Variants in NLRP1 observed in about 807,000 individuals in gnomAD.
NLRP1 encodes the protein NLR family pyrin domain containing 1.
Under a neutral mutation model 136.7 loss-of-function variants are expected in NLRP1, and 94 were observed. The observed-to-expected ratio is 0.69, with a 90% CI of 0.58 to 0.82. The LOEUF is 0.82. Ranked by LOEUF, NLRP1 falls within the 40% of genes least tolerant of loss-of-function variation. NLRP1 has a pLI of 0.00. For missense variants in NLRP1, 1,575 were observed against 1,802.7 expected, an observed-to-expected ratio of 0.87 and a Z score of 2.29; for synonymous variants, 690 against 725.1, an observed-to-expected ratio of 0.95 and a Z score of 0.78.
At chr17:5,512,156 G>A (rs368102673), downstream of NLRP1, 12 of 966,020 alleles carry the variant, frequency 1.2e-5, no homozygotes, top group Non-Finnish European at 1.7e-5. Context: ...GTGGCCATTC[G>A]ATCTGAATTC....
chr17:5,543,154 C>A (rs1374258320), intron 5 of NLRP1, among the ~76,000 whole-genome samples: 1 of 152,162 alleles, frequency 6.6e-6, no homozygotes, highest in Non-Finnish European at 1.5e-5. Context: ...AGTCATATCC[C>A]AGTGCCCAGA....
intron 12 of NLRP1, among the ~76,000 whole-genome samples, chr17:5,529,573 A>G (rs1909980800): frequency 1.3e-5 from 2 of 151,958 alleles, no homozygotes; most frequent in Non-Finnish European, 2.9e-5. Flanking sequence ...TCACTGTGTT[A>G]GCCAGGATGG....
At chr17:5,501,825 T>C (rs1280794360) in exon 16 of NLRP1, 21 of 1,613,930 alleles carry the variant, frequency 1.3e-5, no homozygotes, top group Non-Finnish European at 1.7e-5. Flanking sequence ...TAGTATCTCC[T>C]GGCGTCTCTG....
intron 1 of NLRP1, 108 bp from the exon 2 acceptor site, chr17:5,582,954 A>G (rs535903825): frequency 1.2e-5 from 10 of 820,312 alleles, no homozygotes; most frequent in Middle Eastern, 5.9e-4. Context: ...AGGATACACC[A>G]GTGAACCCGC....
Position 5,583,962 on chromosome 17 carries a change from G to A in NLRP1, c.-5C>T. 1 of 1,607,472 alleles carries A rather than the reference G, an allele frequency of 6.2e-7. No individual in the cohort carries two copies. Among genetic ancestry groups the A allele is most frequent in the Non-Finnish European group, 8.5e-7 (1 of 1,176,686 alleles). ...GCCCCAGGCTCCGCCAGCCATCTCTGTCCCGGAGTTAAGAGGGTGTCTGGG... is the reference window on the plus strand; with the variant it reads ...GCCCCAGGCTCCGCCAGCCATCTCTATCCCGGAGTTAAGAGGGTGTCTGGG... On this transcript the variant is annotated 5_prime_UTR_variant, in exon 1 of 17. Coordinates refer to ENST00000572272, the MANE Select transcript of NLRP1 (RefSeq NM_033004.4). The surrounding 1 kb of genome is among the most constrained non-coding windows in gnomAD (Gnocchi z 4.5).
At chr17:5,564,892 T>C (rs142628956) in intron 3 of NLRP1, among the ~76,000 whole-genome samples, 3,628 of 152,056 alleles carry the variant, frequency 0.024, 154 homozygotes, top group African/African-American at 0.084. Flanking sequence ...TGCCCGCCAC[T>C]GCACCTGGCT....
intron 3 of NLRP1, among the ~76,000 whole-genome samples, chr17:5,562,768 G>A (rs547066074): frequency 1.6e-4 from 24 of 152,310 alleles, no homozygotes; most frequent in South Asian, 8.3e-4. Flanking sequence ...CAACACACAC[G>A]CACCCTGCCA....
intron 11 of NLRP1, 99 bp from the exon 12 acceptor site, chr17:5,530,803 G>A: frequency 1.2e-6 from 1 of 861,616 alleles, no homozygotes; most frequent in Non-Finnish European, 1.9e-6. Flanking sequence ...ACGGTACAGT[G>A]GCTTCAAGCC....
intron 7 of NLRP1, among the ~76,000 whole-genome samples, chr17:5,539,163 G>A (rs1395235781): frequency 2.6e-5 from 4 of 152,136 alleles, no homozygotes; most frequent in Admixed American, 6.5e-5. Flanking sequence ...GAGCCACCAC[G>A]CCCTGCCTGT....
chr17:5,553,607 T>G, intron 4 of NLRP1, 51 bp from the exon 5 acceptor site: 1 of 1,543,896 alleles, frequency 6.5e-7, no homozygotes, highest in African/African-American at 1.4e-5. Flanking sequence ...TGGCAGGGGT[T>G]TGAGGTGCCC....
At chr17:5,533,178 C>T in intron 10 of NLRP1, 126 bp downstream of exon 10, 3 of 1,498,984 alleles carry the variant, frequency 2.0e-6, no homozygotes, top group Non-Finnish European at 2.7e-6. Flanking sequence ...GCCTCCAGCC[C>T]AGCCTCCGCC....
chr17:5,533,443 C>A (rs568510747), intron 9 of NLRP1, 59 bp from the exon 10 acceptor site: 3 of 727,054 alleles, frequency 4.1e-6, no homozygotes, highest in African/African-American at 3.5e-5. Flanking sequence ...AGTCCCAGTT[C>A]TACTCAGGAG....
At chr17:5,513,996 T>G (rs997496208), downstream of NLRP1, 2 of 152,192 alleles carry the variant, frequency 1.3e-5, no homozygotes, top group African/African-American at 4.8e-5. Context: ...GAACCTTCAG[T>G]TCCAGGAATT....
At chr17:5,557,490 TCA>T (rs985275493) in intron 4 of NLRP1, among the ~76,000 whole-genome samples, 6 of 152,210 alleles carry the variant, frequency 3.9e-5, no homozygotes, top group Non-Finnish European at 5.9e-5. Context: ...GTTGTAGACA[TCA>T]CACTCTGTTG....
Position 5,583,043 on chromosome 17 carries a change from A to G in NLRP1, c.272-197T>C, listed in dbSNP as rs1016872398. ...AGATACTGCTAGGCAAAAAATCCTC[A>G]TCTAGGATCAGGAAATTTGCATATC... On this transcript the variant is annotated intron_variant, in intron 1 of 16. Coordinates refer to ENST00000572272, the MANE Select transcript of NLRP1 (RefSeq NM_033004.4). This position sits in a 1 kb window ranked among gnomAD's most constrained non-coding sequence, Gnocchi z 4.5. Among the ~76,000 whole-genome samples the G allele has an allele frequency of 2.0e-5, 3 of 152,106 alleles. No individual in the cohort carries two copies. The highest frequency in any genetic ancestry group is 7.2e-5 in the African/African-American group (3 of 41,392).
At chr17:5,519,363 C>G (rs192617731) in intron 14 of NLRP1, among the ~76,000 whole-genome samples, 74 of 151,432 alleles carry the variant, frequency 4.9e-4, no homozygotes, top group Admixed American at 2.4e-3. Context: ...CCAGGCTGGT[C>G]TGGAACTCCT....
At chr17:5,513,811 C>G (rs964708043), downstream of NLRP1, among the ~76,000 whole-genome samples, 4 of 152,134 alleles carry the variant, frequency 2.6e-5, no homozygotes, top group Non-Finnish European at 5.9e-5. Flanking sequence ...GGTAAAGAAG[C>G]CAAAACCCAT....
intron 3 of NLRP1, among the ~76,000 whole-genome samples, chr17:5,574,611 G>A (rs1372039452): frequency 2.6e-5 from 4 of 151,694 alleles, no homozygotes; most frequent in African/African-American, 9.7e-5. Flanking sequence ...TGGATCTCTC[G>A]GCAGAAACTC....
At chr17:5,533,237 C>T in intron 10 of NLRP1, 67 bp downstream of exon 10, 1 of 1,549,446 alleles carries the variant, frequency 6.5e-7, no homozygotes. Context: ...CCCAGCATGC[C>T]CAGGTGGGCA....
Sources: allele counts gnomAD v4.1 joint callset (sites outside exome capture counted in the v4.1 genomes callset), GRCh38; gene constraint gnomAD v4.1.1; non-coding constraint Gnocchi (gnomAD v3.1); transcripts MANE v1.5; gene names NCBI Gene and HGNC (gene_info 2026-07-23, HGNC 2026-07-21).